FRMD4A: variants seen among roughly 807,000 people sequenced by gnomAD.
FRMD4A encodes FERM domain containing 4A.
In FRMD4A, 29 loss-of-function variants were observed where a neutral mutation model predicts 129.1. The observed-to-expected ratio is 0.22, with a 90% CI of 0.17 to 0.31. The LOEUF (loss-of-function observed/expected upper bound fraction) is 0.31. Ranked by LOEUF, FRMD4A falls within the 10% of genes least tolerant of loss-of-function variation. FRMD4A has a pLI of 1.00. For missense variants in FRMD4A, 1,272 were observed against 1,375.8 expected (o/e 0.92, Z 1.19); for synonymous variants, 634 against 571.6 (o/e 1.11, Z -1.56).
chr10:14,227,196 C>T (rs1333711923), intron 2 of FRMD4A, among the ~76,000 whole-genome samples: 5 of 145,778 alleles, frequency 3.4e-5, no homozygotes, highest in Admixed American at 6.9e-5. Flanking sequence ...TCTCTTTAGT[C>T]GTCTTCTTTC....
At chr10:13,916,043 A>G (rs1565031751) in intron 2 of FRMD4A, among the ~76,000 whole-genome samples, 1 of 152,230 alleles carries the variant, frequency 6.6e-6, no homozygotes, top group Non-Finnish European at 1.5e-5. Flanking sequence ...AGACTTGGAG[A>G]AGTCGCAATG....
chr10:14,139,766 A>C (rs1466314954), intron 2 of FRMD4A, among the ~76,000 whole-genome samples: 1 of 152,162 alleles, frequency 6.6e-6, no homozygotes, highest in African/African-American at 2.4e-5. Flanking sequence ...GTTTCCTATA[A>C]GACATATTGT....
At chr10:14,190,246 C>G (rs963972152) in intron 2 of FRMD4A, among the ~76,000 whole-genome samples, 1 of 152,188 alleles carries the variant, frequency 6.6e-6, no homozygotes, top group African/African-American at 2.4e-5. Flanking sequence ...TTCTTCACAG[C>G]AAATGACCAC....
At chr10:13,872,508 A>C (rs2094448970) in intron 2 of FRMD4A, among the ~76,000 whole-genome samples, 1 of 152,368 alleles carries the variant, frequency 6.6e-6, no homozygotes, top group Admixed American at 6.5e-5. Context: ...ATACCCATGC[A>C]CGATGTGTGG....
chr10:14,120,236 T>C (rs1838427421), intron 2 of FRMD4A, among the ~76,000 whole-genome samples: 1 of 152,090 alleles, frequency 6.6e-6, no homozygotes. Flanking sequence ...TCCCTTTACG[T>C]ACACTGCTTT....
intron 2 of FRMD4A, among the ~76,000 whole-genome samples, chr10:14,138,467 T>C (rs1254521190): frequency 4.6e-5 from 7 of 152,108 alleles, no homozygotes; most frequent in Non-Finnish European, 1.0e-4. Flanking sequence ...CAGTAGAAAA[T>C]TGGGGGCCAA....
At chr10:14,185,979 A>G (rs754101591) in intron 2 of FRMD4A, among the ~76,000 whole-genome samples, 7 of 152,190 alleles carry the variant, frequency 4.6e-5, no homozygotes, top group Non-Finnish European at 1.0e-4. Context: ...GCACAAGGCC[A>G]GAGGATCAAC....
intron 13 of FRMD4A, among the ~76,000 whole-genome samples, chr10:13,706,779 C>CACACAT (rs1554854732): frequency 6.6e-6 from 1 of 150,560 alleles, no homozygotes; most frequent in Admixed American, 6.6e-5. Flanking sequence ...CACACACACA[C>CACACAT]GAGCCAGGGA....
Position 14,296,835 on chromosome 10 carries a change from G to A in FRMD4A, c.45+33223C>T, listed in dbSNP as rs777573734. On this transcript the variant is annotated intron_variant, in intron 2 of 24. Transcript: ENST00000357447. ...GAGGAAGAGCAAAGGGAAATGAAGC[G>A]CATACAACTCCCTTTCCCCCCAGTT... is the stretch of plus-strand genomic sequence containing the variant. Among the ~76,000 whole-genome samples, 55 of 152,230 alleles carry A rather than the reference G, an allele frequency of 3.6e-4. 2 individuals carry two copies. In the Middle Eastern group the frequency reaches 0.01, roughly 28 times the overall value.
chr10:13,794,045 C>G (rs1322619687), intron 5 of FRMD4A, among the ~76,000 whole-genome samples: 1 of 152,066 alleles, frequency 6.6e-6, no homozygotes, highest in Non-Finnish European at 1.5e-5. Flanking sequence ...AATAGGTCGA[C>G]TGACTGGTGA....
intron 2 of FRMD4A, among the ~76,000 whole-genome samples, chr10:13,996,378 C>T (rs946287415): frequency 6.6e-6 from 1 of 152,210 alleles, no homozygotes. Context: ...CTGTCACTGC[C>T]CCTGCACAGG....
chr10:14,162,385 G>A lies in FRMD4A; in HGVS notation c.45+167673C>T, dbSNP rs373475800. Among the ~76,000 whole-genome samples the A allele has an allele frequency of 1.5e-4, 23 of 152,318 alleles. No individual in the cohort carries two copies. In the East Asian group the frequency reaches 4.0e-3, roughly 27 times the overall value. On this transcript the variant is annotated intron_variant, in intron 2 of 24. Coordinates refer to ENST00000357447, the MANE Select transcript of FRMD4A (RefSeq NM_018027.5). The stretch of plus-strand genomic sequence containing the variant: ...AGTGACATTTTGTAAGTGGGATTTT[G>A]GCATATCCTAGGTCCTCTGGTACAA...
chr10:14,128,173 A>G (rs898291929), intron 2 of FRMD4A, among the ~76,000 whole-genome samples: 1 of 149,712 alleles, frequency 6.7e-6, no homozygotes, highest in African/African-American at 2.5e-5. Flanking sequence ...GTGTAATCTC[A>G]GCTCACTGCA....
At chr10:14,215,619 A>G (rs1025603037) in intron 2 of FRMD4A, among the ~76,000 whole-genome samples, 1 of 152,166 alleles carries the variant, frequency 6.6e-6, no homozygotes, top group African/African-American at 2.4e-5. Context: ...TAATGACACA[A>G]TTCCCCACCG....
intron 14 of FRMD4A, among the ~76,000 whole-genome samples, chr10:13,700,693 G>A (rs965844587): frequency 2.0e-5 from 3 of 152,070 alleles, no homozygotes; most frequent in Non-Finnish European, 4.4e-5. Flanking sequence ...CCAAGGAGAC[G>A]TCATCCTCTC....
At chr10:13,964,438 A>G (rs918330783) in intron 2 of FRMD4A, among the ~76,000 whole-genome samples, 1 of 135,068 alleles carries the variant, frequency 7.4e-6, no homozygotes, top group Non-Finnish European at 1.6e-5. Context: ...CTATAGTTTT[A>G]CTGCACAGCC....
Position 13,975,227 on chromosome 10 carries a change from ATG to A in FRMD4A, c.46-116317_46-116316del, listed in dbSNP as rs1046724157. 2.8e-5 allele frequency among the ~76,000 whole-genome samples: 4 copies of A among 142,662 alleles called. No homozygotes were observed. The East Asian group carries it at 6.2e-4, about 22-fold the overall frequency. The allele number at this position is 142,662 out of a possible 152,430, so 93.6% of individuals were successfully genotyped here. A position where few individuals can be genotyped will look rare whatever the true frequency, so the allele number is the denominator to read the frequency against. On this transcript the variant is annotated intron_variant, in intron 2 of 24. Coordinates refer to ENST00000357447, the MANE Select transcript of FRMD4A (RefSeq NM_018027.5). ...CTATCATATGTTAATGTGTGTGTGTATGTGTGTGTGTGCCTATCTCTGAGCCT... is the reference window on the plus strand; with the variant it reads ...CTATCATATGTTAATGTGTGTGTGTATGTGTGTGTGCCTATCTCTGAGCCT...
chr10:13,827,652 G>A (rs1261049559), intron 3 of FRMD4A, among the ~76,000 whole-genome samples: 1 of 152,168 alleles, frequency 6.6e-6, no homozygotes, highest in African/African-American at 2.4e-5. Flanking sequence ...AGAAAATCAC[G>A]GTCAAGAAAG....
chr10:13,693,778 G>C, intron 15 of FRMD4A, 120 bp downstream of exon 15: 2 of 1,085,826 alleles, frequency 1.8e-6, no homozygotes, highest in Admixed American at 3.9e-5. Flanking sequence ...GGAAAGCAAA[G>C]CCAGCTTTGG....
Sources: gnomAD v4.1 joint callset for allele counts (sites outside exome capture counted in the v4.1 genomes callset) on GRCh38, gnomAD v4.1.1 for gene constraint, MANE v1.5 for transcripts, NCBI Gene and HGNC (gene_info 2026-07-23, HGNC 2026-07-21) for gene names.